Variants in ZNF469 observed in about 807,000 individuals in gnomAD.
ZNF469 encodes zinc finger protein 469.
ZNF469 carries 1 observed loss-of-function variant against 1.0 expected under a neutral mutation model. The ratio of observed to expected loss-of-function variants is 1.00; its 90% CI spans 0.35 to 4.73. ZNF469 has a LOEUF of 4.73. ZNF469 is among the 30% of genes most tolerant of loss of function. The probability of loss-of-function intolerance (pLI) is 0.16; values close to 1 mark genes in which losing one functional copy is unlikely to be tolerated. For missense variants in ZNF469, 6,100 were observed against 5,356.3 expected, an observed-to-expected ratio of 1.14 and a Z score of -4.33; for synonymous variants, 2,703 against 2,363.4, an observed-to-expected ratio of 1.14 and a Z score of -4.17.
the ZNF469 span, among the ~76,000 whole-genome samples, chr16:88,135,404 G>T: frequency 0.18 from 26,836 of 152,238 alleles, 2,889 homozygotes; most frequent in East Asian, 0.48. Context: ...CAGTGACACC[G>T]CCAGATGGGG....
the ZNF469 span, among the ~76,000 whole-genome samples, chr16:88,272,014 G>A: frequency 2.0e-5 from 3 of 152,108 alleles, no homozygotes; most frequent in South Asian, 2.1e-4. Flanking sequence ...GTGGACAGAC[G>A]GATGGATTTA....
At chr16:88,397,265 G>T (rs1297815567) in intron 1 of ZNF469, among the ~76,000 whole-genome samples, 2 of 152,254 alleles carry the variant, frequency 1.3e-5, no homozygotes, top group African/African-American at 4.8e-5. Context: ...GATCACCATG[G>T]CCCTGGGATG....
chr16:88,122,918 C>T, the ZNF469 span, among the ~76,000 whole-genome samples: 1 of 152,070 alleles, frequency 6.6e-6, no homozygotes, highest in African/African-American at 2.4e-5. Context: ...TCATAGCTTA[C>T]TACAGCCTTG....
the ZNF469 span, among the ~76,000 whole-genome samples, chr16:88,198,384 C>A: frequency 6.6e-6 from 1 of 152,160 alleles, no homozygotes; most frequent in Admixed American, 6.5e-5. Flanking sequence ...AAGCCTCCTC[C>A]GGTGGGGGGC....
At chr16:88,289,417 A>ATT in the ZNF469 span, among the ~76,000 whole-genome samples, 1 of 146,160 alleles carries the variant, frequency 6.8e-6, no homozygotes, top group Non-Finnish European at 1.5e-5. Context: ...GATGATGATG[A>ATT]TTATTATGAC....
chr16:88,364,489 CAAAAAAAA>C, the ZNF469 span, among the ~76,000 whole-genome samples: 8 of 56,142 alleles, frequency 1.4e-4, no homozygotes, highest in Admixed American at 2.0e-4. Context: ...TGTTGATTTC[CAAAAAAAA>C]AAAAAAAAAA....
At chr16:88,423,662 T>G (rs1905579741) in intron 1 of ZNF469, among the ~76,000 whole-genome samples, 1 of 152,186 alleles carries the variant, frequency 6.6e-6, no homozygotes, top group African/African-American at 2.4e-5. Context: ...TGCAGCATCA[T>G]CCAAAGGCCC....
At chr16:88,236,294 T>C in the ZNF469 span, among the ~76,000 whole-genome samples, 1 of 152,342 alleles carries the variant, frequency 6.6e-6, no homozygotes, top group Admixed American at 6.5e-5. Flanking sequence ...TGTCAAACAC[T>C]CTATTCCTTC....
chr16:88,322,577 G>T, the ZNF469 span, among the ~76,000 whole-genome samples: 1 of 152,210 alleles, frequency 6.6e-6, no homozygotes, highest in Non-Finnish European at 1.5e-5. Context: ...TGCTGGAGGG[G>T]GTGTGACTGA....
chr16:88,133,283 A>G, the ZNF469 span, among the ~76,000 whole-genome samples: 2 of 152,270 alleles, frequency 1.3e-5, no homozygotes, highest in Non-Finnish European at 2.9e-5. Flanking sequence ...TCCCACGGTC[A>G]AATCATTACT....
chr16:88,189,076 G>C, the ZNF469 span, among the ~76,000 whole-genome samples: 2 of 152,216 alleles, frequency 1.3e-5, no homozygotes, highest in African/African-American at 4.8e-5. This position sits in a 1 kb window ranked among gnomAD's most constrained non-coding sequence, Gnocchi z 4.3. Context: ...AACACTGAAA[G>C]GACATTGCTT....
At chr16:88,356,070 G>T in the ZNF469 span, among the ~76,000 whole-genome samples, 1 of 152,138 alleles carries the variant, frequency 6.6e-6, no homozygotes, top group Admixed American at 6.5e-5. Context: ...ACTTTCAAAG[G>T]TCAGCAAATC....
chr16:88,324,973 CATG>C, the ZNF469 span, among the ~76,000 whole-genome samples: 2 of 152,140 alleles, frequency 1.3e-5, no homozygotes, highest in Non-Finnish European at 2.9e-5. Context: ...AACTTACAGT[CATG>C]GTGGAAGGTG....
At chr16:88,286,243 T>G in the ZNF469 span, among the ~76,000 whole-genome samples, 15 of 152,328 alleles carry the variant, frequency 9.8e-5, no homozygotes, top group African/African-American at 3.1e-4. Context: ...CACCACAGAG[T>G]CCTGAATGGA....
the ZNF469 span, among the ~76,000 whole-genome samples, chr16:88,239,337 A>G: frequency 2.0e-5 from 3 of 152,132 alleles, no homozygotes; most frequent in Non-Finnish European, 4.4e-5. Flanking sequence ...GATGAAGAAG[A>G]TTCTTTAAGT....
At position 88,434,167 on chromosome 16, in the gene ZNF469, G is replaced by A. The variant is rs369117913; in HGVS notation, c.6697G>A (p.Val2233Ile). ...CCCTTCCTCCTGGCCTCCTGGCTCC[G>A]TCAGTGCTGTAACCTGCACTCACAG... ...EDPSSWPPGSVSAVTCTHSGD... is the reference protein window; with the variant it reads ...EDPSSWPPGSISAVTCTHSGD... The change falls in exon 3 of 3, where the codon GTC (valine) becomes ATC (isoleucine). Residue 2233 changes from valine (V) to isoleucine (I), a missense_variant. Val to Ile is a conservative substitution (Grantham distance 29). Transcript: ENST00000565624. 4.2e-5 allele frequency: 65 copies of A among 1,550,198 alleles called. No homozygotes were observed. The highest frequency in any genetic ancestry group is 7.3e-5 in the East Asian group (3 of 40,928).
chr16:88,381,188 A>T (rs571940642), upstream of ZNF469, among the ~76,000 whole-genome samples: 48 of 127,508 alleles, frequency 3.8e-4, 1 homozygote, highest in Middle Eastern at 8.3e-3. Flanking sequence ...ACATGCACTC[A>T]CACACATGCA....
At chr16:88,414,358 G>C (rs970442408) in intron 1 of ZNF469, among the ~76,000 whole-genome samples, 1 of 152,360 alleles carries the variant, frequency 6.6e-6, no homozygotes, top group Middle Eastern at 3.4e-3. Context: ...TTTGGTGTGG[G>C]GTGGAGGCAT....
the ZNF469 span, among the ~76,000 whole-genome samples, chr16:88,333,547 G>A: frequency 6.6e-6 from 1 of 151,772 alleles, no homozygotes; most frequent in Non-Finnish European, 1.5e-5. Flanking sequence ...GAGAAGGCTC[G>A]GACTTGCTGA....
Sources: gnomAD v4.1 joint callset for allele counts (sites outside exome capture counted in the v4.1 genomes callset) on GRCh38, gnomAD v4.1.1 for gene constraint, Gnocchi (gnomAD v3.1) non-coding constraint, MANE v1.5 for transcripts, NCBI Gene and HGNC (gene_info 2026-07-23, HGNC 2026-07-21) for gene names.